FLRT2: variants seen among roughly 807,000 people sequenced by gnomAD.
FLRT2 encodes fibronectin leucine rich transmembrane protein 2, also known as leucine-rich repeat transmembrane protein FLRT2.
In FLRT2, 15 loss-of-function variants were observed where a neutral mutation model predicts 40.0. The ratio of observed to expected loss-of-function variants is 0.38; its 90% confidence interval spans 0.25 to 0.58. The LOEUF (loss-of-function observed/expected upper bound fraction) is 0.58, where lower values mean the gene tolerates loss of function less well. Among genes scored for constraint, FLRT2 ranks in the 20% least tolerant of loss-of-function variants. FLRT2 has a pLI of 0.71. For missense variants in FLRT2, 726 were observed against 840.0 expected, an observed-to-expected ratio of 0.86 and a Z score of 1.68; for synonymous variants, 380 against 336.8, an observed-to-expected ratio of 1.13 and a Z score of -1.41.
chr14:85,561,649 A>G (rs1005659221), intron 1 of FLRT2, among the ~76,000 whole-genome samples: 5 of 152,216 alleles, frequency 3.3e-5, no homozygotes, highest in African/African-American at 1.2e-4. Context: ...TCCCTCCGTT[A>G]TTACAGCAAA....
chr14:85,614,136 T>C (rs1035319710), intron 1 of FLRT2, among the ~76,000 whole-genome samples: 1 of 152,170 alleles, frequency 6.6e-6, no homozygotes, highest in African/African-American at 2.4e-5. Context: ...TTCTCCATTT[T>C]ATATGAATTA....
chr14:85,541,487 T>G (rs916839546), intron 1 of FLRT2, among the ~76,000 whole-genome samples: 1 of 152,184 alleles, frequency 6.6e-6, no homozygotes. Flanking sequence ...AAAGAGCTCT[T>G]CATTTGGAGA....
intron 1 of FLRT2, among the ~76,000 whole-genome samples, chr14:85,540,301 G>A (rs929379685): frequency 7.2e-5 from 11 of 152,270 alleles, no homozygotes; most frequent in South Asian, 6.2e-4. Flanking sequence ...TTATTATGAA[G>A]CCAACGTGTA....
intron 1 of FLRT2, among the ~76,000 whole-genome samples, chr14:85,605,463 C>T (rs1183345459): frequency 1.3e-5 from 2 of 152,130 alleles, no homozygotes; most frequent in Non-Finnish European, 2.9e-5. Context: ...ATTAAGAAAT[C>T]ATAAAGATAT....
At chr14:85,540,644 A>T (rs1042009261) in intron 1 of FLRT2, among the ~76,000 whole-genome samples, 3 of 152,160 alleles carry the variant, frequency 2.0e-5, no homozygotes, top group Admixed American at 1.3e-4. Context: ...GATTTGAGGT[A>T]TGAAGTCTGT....
chr14:85,559,036 G>C (rs1025966064), intron 1 of FLRT2, among the ~76,000 whole-genome samples: 1 of 152,180 alleles, frequency 6.6e-6, no homozygotes, highest in Non-Finnish European at 1.5e-5. Flanking sequence ...GCACATAGAA[G>C]CACATGTGTA....
At chr14:85,531,487 T>C (rs966395455) in intron 1 of FLRT2, among the ~76,000 whole-genome samples, 4 of 152,058 alleles carry the variant, frequency 2.6e-5, no homozygotes, top group Non-Finnish European at 5.9e-5. Context: ...GGTTGCAAGC[T>C]GAGGTCGGGG....
intron 1 of FLRT2, chr14:85,562,620 C>CTTTTCTT (rs1555366330): frequency 1.7e-5 from 2 of 115,516 alleles, no homozygotes; most frequent in Middle Eastern, 5.4e-3. Context: ...TTCTTTCTTT[C>CTTTTCTT]TTTTTTTTTT....
rs1251731911 is a variant in FLRT2 at position 85,645,159 on chromosome 14, CATAT to C, written c.*21663_*21666del. On this transcript the variant is annotated 3_prime_UTR_variant, in exon 2 of 2. Transcript: ENST00000330753. Reference sequence around the variant, plus strand: ...CAAGTAAAAAGTATATATATACACACATATGTGTGTATGTATATGTATACCTATA... The same window carrying C: ...CAAGTAAAAAGTATATATATACACACGTGTGTATGTATATGTATACCTATA... The C allele has an allele frequency of 4.0e-5, 6 of 151,224 alleles. No homozygotes were observed. The highest frequency in any genetic ancestry group is 8.8e-5 in the Non-Finnish European group (6 of 67,852). 9.4% of individuals were successfully genotyped at this position (151,224 alleles called of 1,614,324 possible).
At chr14:85,556,838 G>A (rs1566725725) in intron 1 of FLRT2, among the ~76,000 whole-genome samples, 1 of 152,112 alleles carries the variant, frequency 6.6e-6, no homozygotes, top group African/African-American at 2.4e-5. Context: ...CTGTTTTCAC[G>A]CCGCTAATAA....
intron 1 of FLRT2, among the ~76,000 whole-genome samples, chr14:85,617,456 G>A (rs1431181315): frequency 6.6e-6 from 1 of 152,110 alleles, no homozygotes; most frequent in African/African-American, 2.4e-5. Flanking sequence ...AGATCCTGCT[G>A]CTACTTGGTG....
chr14:85,598,868 C>A (rs1892253548), intron 1 of FLRT2, among the ~76,000 whole-genome samples: 1 of 148,436 alleles, frequency 6.7e-6, no homozygotes, highest in African/African-American at 2.5e-5. Context: ...TGATGTGCAA[C>A]TTATTTTATA....
At chr14:85,537,477 A>C (rs1198700200) in intron 1 of FLRT2, among the ~76,000 whole-genome samples, 1 of 152,146 alleles carries the variant, frequency 6.6e-6, no homozygotes, top group East Asian at 1.9e-4. Context: ...TCTACTCTCC[A>C]AATTGCTTTT....
chr14:85,535,982 G>T (rs1384527643), intron 1 of FLRT2, among the ~76,000 whole-genome samples: 1 of 121,766 alleles, frequency 8.2e-6, no homozygotes, highest in Non-Finnish European at 1.6e-5. Flanking sequence ...TAGTTTCATT[G>T]CAGTTTTAGA....
Position 85,639,718 on chromosome 14 carries a change from G to T in FLRT2, c.*16221G>T, listed in dbSNP as rs1894101280. The T allele has an allele frequency of 6.6e-6, 1 of 152,034 alleles. No individual in the cohort carries two copies. The highest frequency in any genetic ancestry group is 1.5e-5 in the Non-Finnish European group (1 of 68,040). The allele number at this position is 152,034 out of a possible 1,614,324, so 9.4% of individuals were successfully genotyped here. ...TGGAAACACTGAAGCCCCCAGAAAG[G>T]ACTGGCTAAGCTCTTACAATAAGTG... On this transcript the variant is annotated 3_prime_UTR_variant, in exon 2 of 2. Transcript: ENST00000330753.
chr14:85,531,566 C>A (rs930389395), intron 1 of FLRT2, among the ~76,000 whole-genome samples: 1 of 152,068 alleles, frequency 6.6e-6, no homozygotes, highest in African/African-American at 2.4e-5. Context: ...TACTTGATAC[C>A]CGGGAAACTC....
In FLRT2 at chr14:85,621,940, C is replaced by T; in HGVS notation, c.426C>T (p.Asp142=). The T allele has an allele frequency of 6.2e-7, 1 of 1,600,590 alleles. No individual in the cohort carries two copies. The highest frequency in any genetic ancestry group is 1.7e-5 in the Admixed American group (1 of 59,188). ...LLKLEELHLD[D]NSISTVGVED... ...AGCTTGAAGAGCTGCACCTGGATGA[C>T]AACTCCATATCCACAGTGGGGGTGG... Residue 142 remains aspartate (D), a synonymous_variant, in exon 2 of 2, where the codon GAC becomes GAT. Coordinates refer to ENST00000330753, the MANE Select transcript of FLRT2 (RefSeq NM_013231.6).
At chr14:85,601,397 C>G (rs1009671483) in intron 1 of FLRT2, among the ~76,000 whole-genome samples, 3 of 152,202 alleles carry the variant, frequency 2.0e-5, no homozygotes, top group Non-Finnish European at 4.4e-5. Context: ...CACAGCCAGA[C>G]TTCCAGGACT....
intron 1 of FLRT2, among the ~76,000 whole-genome samples, chr14:85,602,995 T>G (rs1484688492): frequency 2.0e-5 from 3 of 152,186 alleles, no homozygotes; most frequent in Non-Finnish European, 2.9e-5. Context: ...GTGAAAAGTA[T>G]AAATGAAGTT....
Sources: allele counts gnomAD v4.1 joint callset (sites outside exome capture counted in the v4.1 genomes callset), GRCh38; gene constraint gnomAD v4.1.1; transcripts MANE v1.5; gene names NCBI Gene and HGNC (gene_info 2026-07-23, HGNC 2026-07-21).